Variants in ADAMTS19 observed in about 807,000 individuals in gnomAD.
ADAMTS19 encodes ADAM metallopeptidase with thrombospondin type 1 motif 19, also known as A disintegrin and metalloproteinase with thrombospondin motifs 19.
Under a neutral mutation model 153.3 loss-of-function variants are expected in ADAMTS19, and 93 were observed. The ratio of observed to expected loss-of-function variants is 0.61; its 90% confidence interval spans 0.51 to 0.72. The LOEUF is 0.72. Ranked by LOEUF, ADAMTS19 falls within the 30% of genes least tolerant of loss-of-function variation. The probability of loss-of-function intolerance (pLI) is 0.00; values close to 1 mark genes in which losing one functional copy is unlikely to be tolerated. For synonymous variants in ADAMTS19, 600 were observed against 556.6 expected (o/e 1.08, Z -1.10); for missense variants, 1,482 against 1,552.1 (o/e 0.95, Z 0.76).
intron 16 of ADAMTS19, among the ~76,000 whole-genome samples, chr5:129,668,111 T>G (rs886604392): frequency 6.6e-6 from 1 of 152,308 alleles, no homozygotes; most frequent in Middle Eastern, 3.4e-3. Context: ...TTTCCAACTC[T>G]AGTGGCTGCC....
intron 13 of ADAMTS19, among the ~76,000 whole-genome samples, chr5:129,652,936 G>A (rs1035726792): frequency 1.3e-5 from 2 of 152,080 alleles, no homozygotes; most frequent in Non-Finnish European, 2.9e-5. Context: ...GAGAGCACAC[G>A]GAAATGCTTT....
At chr5:129,539,576 A>G (rs1433412588) in intron 6 of ADAMTS19, among the ~76,000 whole-genome samples, 2 of 152,096 alleles carry the variant, frequency 1.3e-5, no homozygotes, top group Admixed American at 6.6e-5. Context: ...GCATTCCTAT[A>G]TCGGTCTGCA....
chr5:129,481,261 G>A (rs1445685643), intron 2 of ADAMTS19, among the ~76,000 whole-genome samples: 2 of 152,176 alleles, frequency 1.3e-5, no homozygotes, highest in East Asian at 1.9e-4. Context: ...CAGAGAGTGC[G>A]AGAGTGCAAG....
intron 14 of ADAMTS19, among the ~76,000 whole-genome samples, chr5:129,658,321 G>GAAAGAAAGAAAGAAAGAA (rs1561632200): frequency 1.7e-4 from 15 of 86,450 alleles, no homozygotes; most frequent in Admixed American, 5.6e-4. Context: ...AAGAAAGAAA[G>GAAAGAAAGAAAGAAAGAA]AAAGAAAGAA....
At chr5:129,537,088 A>T (rs1270592759) in intron 6 of ADAMTS19, among the ~76,000 whole-genome samples, 1 of 152,050 alleles carries the variant, frequency 6.6e-6, no homozygotes, top group Non-Finnish European at 1.5e-5. Flanking sequence ...AAAAAGAAAA[A>T]AACAACCCCA....
chr5:129,474,535 C>T (rs994387329), intron 2 of ADAMTS19, among the ~76,000 whole-genome samples: 1 of 152,058 alleles, frequency 6.6e-6, no homozygotes, highest in Non-Finnish European at 1.5e-5. Context: ...TATGAGGATT[C>T]CAGTTTCTCA....
At chr5:129,551,832 T>A (rs779329941) in intron 6 of ADAMTS19, 32 bp from the exon 7 acceptor site, 8 of 1,416,660 alleles carry the variant, frequency 5.6e-6, no homozygotes, top group Non-Finnish European at 7.8e-6. Context: ...AAATAATTTA[T>A]CTTTATTTCA....
intron 8 of ADAMTS19, among the ~76,000 whole-genome samples, chr5:129,618,810 G>T (rs912733899): frequency 6.6e-6 from 1 of 151,890 alleles, no homozygotes; most frequent in African/African-American, 2.4e-5. Flanking sequence ...TACAAAAATG[G>T]ACTTTTCTCT....
intron 21 of ADAMTS19, among the ~76,000 whole-genome samples, chr5:129,706,387 T>C (rs986885238): frequency 1.2e-4 from 19 of 152,020 alleles, no homozygotes; most frequent in African/African-American, 4.1e-4. Flanking sequence ...CTGGCCAACA[T>C]GGAGAAACCC....
intron 2 of ADAMTS19, among the ~76,000 whole-genome samples, chr5:129,497,145 A>G (rs570955274): frequency 3.7e-4 from 56 of 152,070 alleles, no homozygotes; most frequent in Non-Finnish European, 7.2e-4. Context: ...CGAGTGAACT[A>G]AAGGAGAGCT....
Position 129,508,972 on chromosome 5 carries a change from C to T in ADAMTS19, c.748-105C>T, listed in dbSNP as rs111369444. The T allele has an allele frequency of 2.7e-3, 2,466 of 903,574 alleles. 28 individuals are homozygous for T. The African/African-American group carries it at 0.033, about 12-fold the overall frequency. 56.0% of individuals were successfully genotyped at this position (903,574 alleles called of 1,614,324 possible). ...TTGCTAAGTTAGTTTCACTAGAAGA[C>T]TGTATGCATGTTTGTTAACAAAAAC... On this transcript the variant is annotated intron_variant, in intron 2 of 22. Coordinates refer to ENST00000274487, the MANE Select transcript of ADAMTS19 (RefSeq NM_133638.6).
At chr5:129,504,901 AC>A (rs1751223643) in intron 2 of ADAMTS19, among the ~76,000 whole-genome samples, 2 of 148,102 alleles carry the variant, frequency 1.4e-5, no homozygotes, top group Admixed American at 1.3e-4. Context: ...ACACACACAC[AC>A]ACCATTTTTT....
At chr5:129,703,490 TGGGAGGCCAAGGTGG>T (rs1204585241) in intron 20 of ADAMTS19, among the ~76,000 whole-genome samples, 5 of 152,174 alleles carry the variant, frequency 3.3e-5, no homozygotes, top group African/African-American at 9.7e-5. Flanking sequence ...CCCAACACTT[TGGGAGGCCAAGGTGG>T]GTGGACCACT....
At chr5:129,634,830 A>G (rs1043722811) in intron 10 of ADAMTS19, among the ~76,000 whole-genome samples, 1 of 152,102 alleles carries the variant, frequency 6.6e-6, no homozygotes, top group Non-Finnish European at 1.5e-5. Context: ...TTCTGGACAT[A>G]GGAACAAGCA....
At chr5:129,715,287 G>T (rs568591800) in intron 21 of ADAMTS19, among the ~76,000 whole-genome samples, 19 of 152,020 alleles carry the variant, frequency 1.2e-4, no homozygotes, top group African/African-American at 4.3e-4. Context: ...CAATTTTTCA[G>T]GCTATACTAT....
At chr5:129,636,787 T>G (rs1752552074) in intron 10 of ADAMTS19, among the ~76,000 whole-genome samples, 1 of 152,240 alleles carries the variant, frequency 6.6e-6, no homozygotes, top group Non-Finnish European at 1.5e-5. Context: ...AGTGTTACAT[T>G]ATGTAGTCAA....
chr5:129,523,760 A>C (rs149491948), intron 3 of ADAMTS19, among the ~76,000 whole-genome samples: 75 of 152,210 alleles, frequency 4.9e-4, no homozygotes, highest in African/African-American at 1.8e-3. Flanking sequence ...TGCAAGGGAC[A>C]TGAAGGACCT....
intron 7 of ADAMTS19, among the ~76,000 whole-genome samples, chr5:129,552,877 T>C (rs758105350): frequency 1.3e-5 from 2 of 152,114 alleles, no homozygotes; most frequent in Non-Finnish European, 2.9e-5. Context: ...TGATGGAAAG[T>C]AGTTATAATA....
At chr5:129,723,288 A>C (rs1757077798) in intron 21 of ADAMTS19, among the ~76,000 whole-genome samples, 1 of 152,204 alleles carries the variant, frequency 6.6e-6, no homozygotes, top group African/African-American at 2.4e-5. Context: ...TAGTTTATTT[A>C]GATTAAATTA....
Sources: gnomAD v4.1 joint callset for allele counts (sites outside exome capture counted in the v4.1 genomes callset) on GRCh38, gnomAD v4.1.1 for gene constraint, MANE v1.5 for transcripts, NCBI Gene and HGNC (gene_info 2026-07-23, HGNC 2026-07-21) for gene names.